MS4A7: variants seen among roughly 807,000 people sequenced by gnomAD.
MS4A7 encodes membrane-spanning 4-domains subfamily A member 7.
A neutral mutation model predicts 23.5 loss-of-function variants in MS4A7; 21 were observed. That is an observed-to-expected ratio of 0.89 (90% CI 0.63 to 1.29). The LOEUF is 1.29. Ranked by LOEUF, MS4A7 falls within the 50% of genes most tolerant of loss-of-function variation. The probability of loss-of-function intolerance (pLI) is 0.00; values close to 1 mark genes in which losing one functional copy is unlikely to be tolerated. For synonymous variants in MS4A7, 111 were observed against 107.4 expected, an observed-to-expected ratio of 1.03 and a Z score of -0.21; for missense variants, 263 against 274.2, an observed-to-expected ratio of 0.96 and a Z score of 0.29.
chr11:60,389,455 T>A lies in MS4A7; in HGVS notation c.405T>A (p.Leu135=). Residue 135 remains leucine (L), a synonymous_variant, in exon 5 of 7, where the codon CTT becomes CTA. Transcript: ENST00000300184. ...CTGCAGGAGCAGGCCTCTTCCTCCT[T>A]GCTGACAGCATGGTAGCCCTGAGGA... ...SVTAGAGLFL[L]ADSMVALRTA... is the part of the protein sequence containing the mutation. 1 of 1,614,130 alleles carries A rather than the reference T, an allele frequency of 6.2e-7. No individual in the cohort carries two copies.
At position 60,392,697 on chromosome 11, in the gene MS4A7, G is replaced by T. The variant is rs187887753; in HGVS notation, c.559G>T (p.Val187Leu). 2.2e-5 allele frequency: 35 copies of T among 1,613,652 alleles called. No individual in the cohort carries two copies. The African/African-American group carries it at 4.5e-4, about 21-fold the overall frequency. Residue 187 changes from valine to leucine, a missense_variant, in exon 6 of 7, where the codon GTG becomes TTG. Coordinates refer to ENST00000300184, the MANE Select transcript of MS4A7 (RefSeq NM_021201.5). ...TSVSLTGVLV[V>L]MLIFTVLELL... ...TCCTGATTTGCAGGGTGTCCTAGTGGTGATGCTCATCTTCACTGTGCTGGA... is the reference window on the plus strand; with the variant it reads ...TCCTGATTTGCAGGGTGTCCTAGTGTTGATGCTCATCTTCACTGTGCTGGA...
At position 60,395,844 on chromosome 11, in the gene MS4A7, A is replaced by G. The variant is rs1030153672; in HGVS notation, c.*1983A>G. The G allele has an allele frequency of 3.9e-5, 6 of 152,212 alleles. No individual in the cohort carries two copies. The highest frequency in any genetic ancestry group is 1.4e-4 in the African/African-American group (6 of 41,450). 9.4% of individuals were successfully genotyped at this position (152,212 alleles called of 1,614,324 possible). A position where few individuals can be genotyped will look rare whatever the true frequency, so the allele number is the denominator to read the frequency against. On this transcript the variant is annotated 3_prime_UTR_variant, in exon 7 of 7. Coordinates refer to ENST00000300184, the MANE Select transcript of MS4A7 (RefSeq NM_021201.5). ...ATATGTTAATTAGCTGGATTGTGGT[A>G]ATCATTTTGGAATGTATATGTATAT...
Position 60,383,193 on chromosome 11 carries a change from G to T in MS4A7, c.52G>T (p.Gly18Cys). 6.2e-7 allele frequency: 1 copy of T among 1,613,968 alleles called. No individual in the cohort carries two copies. Among genetic ancestry groups the T allele is most frequent in the East Asian group, 2.2e-5 (1 of 44,876 alleles). ...GGTTTCTCACAGCTTTACACCAAAG[G>T]GCATCACTATCCCTCAAAGAGAGAA... ...MGVSHSFTPK[G>C]ITIPQREKPG... Residue 18 changes from glycine (G) to cysteine (C), a missense_variant, in exon 2 of 7, where the codon GGC (glycine) becomes TGC (cysteine). Physicochemically the swap from Gly to Cys is radical, Grantham distance 159. Coordinates refer to ENST00000300184, the MANE Select transcript of MS4A7 (RefSeq NM_021201.5).
chr11:60,389,102 A>ACT (rs1363313402), intron 4 of MS4A7: 2 of 351,966 alleles, frequency 5.7e-6, no homozygotes, highest in Non-Finnish European at 1.0e-5. Flanking sequence ...CCTGAGCAGC[A>ACT]CTGTCTCTAT....
intron 4 of MS4A7, among the ~76,000 whole-genome samples, chr11:60,388,260 G>A (rs2085512419): frequency 6.6e-6 from 1 of 152,168 alleles, no homozygotes; most frequent in Admixed American, 6.5e-5. Flanking sequence ...GTGCATTTGG[G>A]AAGCCACTTC....
intron 4 of MS4A7, 84 bp from the exon 5 acceptor site, chr11:60,389,306 A>C: frequency 9.2e-7 from 1 of 1,086,210 alleles, no homozygotes; most frequent in East Asian, 2.4e-5. Flanking sequence ...CCAAGGAAGC[A>C]CCATTGCAGT....
rs1407217716 is a variant in MS4A7 at position 60,384,710 on chromosome 11, C to T, written c.148-378C>T. Among the ~76,000 whole-genome samples, 3 of 152,312 alleles carry T rather than the reference C, an allele frequency of 2.0e-5. No homozygotes were observed. The East Asian group carries it at 5.8e-4, about 29-fold the overall frequency. ...CAGCAGAAGAGATGACCTGCTCTAT[C>T]TAATTTCAACTGAAAAATCTCTTCA... On this transcript the variant is annotated intron_variant, in intron 2 of 6. Coordinates refer to ENST00000300184, the MANE Select transcript of MS4A7 (RefSeq NM_021201.5).
intron 4 of MS4A7, 87 bp downstream of exon 4, chr11:60,386,860 C>A: frequency 2.6e-6 from 3 of 1,163,072 alleles, no homozygotes; most frequent in Admixed American, 2.1e-5. Flanking sequence ...CCCTATTTTA[C>A]AATTTAGAGA....
At chr11:60,390,320 T>TA (rs1360958491) in intron 5 of MS4A7, among the ~76,000 whole-genome samples, 3 of 152,204 alleles carry the variant, frequency 2.0e-5, no homozygotes, top group Non-Finnish European at 1.5e-5. Flanking sequence ...AAGCCTTGCT[T>TA]ATTCAATCCT....
At chr11:60,382,190 C>T (rs1414955052) in intron 1 of MS4A7, among the ~76,000 whole-genome samples, 1 of 152,090 alleles carries the variant, frequency 6.6e-6, no homozygotes, top group African/African-American at 2.4e-5. Context: ...TGGTGGCAGA[C>T]AACTTGCTCC....
At chr11:60,387,027 C>G (rs1370784359) in intron 4 of MS4A7, among the ~76,000 whole-genome samples, 1 of 152,142 alleles carries the variant, frequency 6.6e-6, no homozygotes, top group Non-Finnish European at 1.5e-5. Context: ...GGAGGTTTAC[C>G]TCAGTTATTT....
At chr11:60,389,898 GTACTCATCACAGGCAGAAATATTCTTCC>G (rs1402942515) in intron 5 of MS4A7, 5 of 318,632 alleles carry the variant, frequency 1.6e-5, no homozygotes, top group African/African-American at 4.2e-5. Context: ...AACCTTTGTT[GTACTCATCACAGGCAGAAATATTCTTCC>G]TACTCATCAC....
intron 1 of MS4A7, among the ~76,000 whole-genome samples, chr11:60,379,526 TTTTGTTTG>T (rs201131327): frequency 1.8e-3 from 247 of 138,806 alleles, no homozygotes; most frequent in African/African-American, 5.8e-3. Context: ...TTTTGTTGTT[TTTTGTTTG>T]TTTGTTTGTT....
At chr11:60,382,646 C>T (rs1279056433) in intron 1 of MS4A7, among the ~76,000 whole-genome samples, 1 of 152,190 alleles carries the variant, frequency 6.6e-6, no homozygotes, top group Non-Finnish European at 1.5e-5. Context: ...AGTGGAACAG[C>T]ATTCATCCTC....
rs2085513000 is a variant in MS4A7 at position 60,388,322 on chromosome 11, C to G, written c.340-1068C>G. 2.0e-5 allele frequency among the ~76,000 whole-genome samples: 3 copies of G among 152,256 alleles called. 1 individual carries two copies. The highest frequency in any genetic ancestry group is 2.1e-4 in the South Asian group (1 of 4,826). On this transcript the variant is annotated intron_variant, in intron 4 of 6. Transcript: ENST00000300184. ...TTTTATAAAAGAGATAACTGAAGCC[C>G]AGAGTAAGAAGGACTTGCTCAAGCA...
chr11:60,378,985 A>G (rs887526895), intron 1 of MS4A7, among the ~76,000 whole-genome samples: 3 of 152,140 alleles, frequency 2.0e-5, no homozygotes, highest in Non-Finnish European at 4.4e-5. Context: ...CCATGGTCCT[A>G]CTCTAATTCT....
chr11:60,379,025 T>C (rs1424212434), intron 1 of MS4A7, among the ~76,000 whole-genome samples: 1 of 152,224 alleles, frequency 6.6e-6, no homozygotes, highest in Non-Finnish European at 1.5e-5. Context: ...GGCAGAGCTG[T>C]TGACCTCCAT....
chr11:60,389,346 T>C (rs1299231211), intron 4 of MS4A7, 44 bp from the exon 5 acceptor site: 3 of 1,511,194 alleles, frequency 2.0e-6, no homozygotes, highest in South Asian at 2.5e-5. Context: ...TAGTGTCACG[T>C]GCTGATTCTG....
chr11:60,389,763 G>A (rs1258182524), intron 5 of MS4A7, 167 bp downstream of exon 5: 2 of 643,312 alleles, frequency 3.1e-6, no homozygotes, highest in Non-Finnish European at 2.8e-6. Flanking sequence ...TGACTGCATG[G>A]TGTGGGGGAT....
Sources: allele counts gnomAD v4.1 joint callset (sites outside exome capture counted in the v4.1 genomes callset), GRCh38; gene constraint gnomAD v4.1.1; transcripts MANE v1.5; gene names NCBI Gene and HGNC (gene_info 2026-07-23, HGNC 2026-07-21).